The following NRG3 variants were observed in gnomAD, a reference collection of about 807,000 sequenced individuals.
The protein encoded by NRG3 is neuregulin 3.
A neutral mutation model predicts 66.9 loss-of-function variants in NRG3; 31 were observed. That is an observed-to-expected ratio of 0.46 (90% CI 0.35 to 0.63). The LOEUF is 0.63. Ranked by LOEUF, NRG3 falls within the 20% of genes least tolerant of loss-of-function variation. The pLI, the probability that NRG3 is intolerant of heterozygous loss-of-function variation, is 0.00. For synonymous variants in NRG3, 393 were observed against 359.4 expected, an observed-to-expected ratio of 1.09 and a Z score of -1.06; for missense variants, 910 against 878.9, an observed-to-expected ratio of 1.04 and a Z score of -0.45.
chr10:82,692,223 G>A (rs1304613269), intron 2 of NRG3, among the ~76,000 whole-genome samples: 2 of 148,124 alleles, frequency 1.4e-5, no homozygotes, highest in East Asian at 2.0e-4. Context: ...ACTCACTCCA[G>A]CCTGGGTGAC....
intron 2 of NRG3, among the ~76,000 whole-genome samples, chr10:82,390,202 T>A (rs1184392729): frequency 6.6e-6 from 1 of 152,184 alleles, no homozygotes; most frequent in Non-Finnish European, 1.5e-5. Context: ...CTCTCAGTGA[T>A]CCATTTTCAA....
chr10:82,055,747 G>A (rs1236303757), intron 1 of NRG3, among the ~76,000 whole-genome samples: 1 of 152,138 alleles, frequency 6.6e-6, no homozygotes, highest in Non-Finnish European at 1.5e-5. Flanking sequence ...AATTTACAAT[G>A]CAAGAAAGAG....
In NRG3 at chr10:82,308,319, C is replaced by T. The variant is rs569110113; in HGVS notation, c.824-50420C>T. Among the ~76,000 whole-genome samples the T allele has an allele frequency of 2.0e-5, 3 of 152,236 alleles. No individual in the cohort carries two copies. In the East Asian group the frequency reaches 5.8e-4, roughly 30 times the overall value. ...GGCCAGGCTGATCTCAAACTCTTCA[C>T]CTCAAGTGCTCTGCCTGCCTTGACC... is the stretch of plus-strand genomic sequence containing the variant. On this transcript the variant is annotated intron_variant, in intron 1 of 8. Transcript: ENST00000372141.
At chr10:82,262,205 G>T (rs1183733566) in intron 1 of NRG3, among the ~76,000 whole-genome samples, 2 of 152,202 alleles carry the variant, frequency 1.3e-5, no homozygotes, top group African/African-American at 4.8e-5. Context: ...AAGTAAAGGT[G>T]AGATTTGAGT....
intron 1 of NRG3, among the ~76,000 whole-genome samples, chr10:82,276,675 A>T (rs1047508731): frequency 2.6e-5 from 4 of 152,084 alleles, no homozygotes; most frequent in African/African-American, 9.6e-5. Context: ...AACAATATAT[A>T]ACTTGTAGAA....
At chr10:82,696,246 A>G (rs1017946022) in intron 2 of NRG3, among the ~76,000 whole-genome samples, 9 of 152,164 alleles carry the variant, frequency 5.9e-5, no homozygotes, top group African/African-American at 2.2e-4. Flanking sequence ...TTAACTGCTT[A>G]ACTCAAAATA....
intron 1 of NRG3, among the ~76,000 whole-genome samples, chr10:82,106,870 AGGTAT>A (rs1362017316): frequency 1.3e-5 from 2 of 152,140 alleles, no homozygotes; most frequent in Non-Finnish European, 2.9e-5. Flanking sequence ...CTCTGCTATA[AGGTAT>A]CTTGCAAAAA....
chr10:82,041,176 C>T (rs926952), intron 1 of NRG3, among the ~76,000 whole-genome samples: 96,646 of 151,884 alleles, frequency 0.64, 32,329 homozygotes, highest in South Asian at 0.87. Flanking sequence ...CTGTTAGAAT[C>T]TGGGAATTGA....
At chr10:82,034,481 A>G (rs1467072627) in intron 1 of NRG3, among the ~76,000 whole-genome samples, 3 of 152,142 alleles carry the variant, frequency 2.0e-5, no homozygotes, top group Non-Finnish European at 2.9e-5. Context: ...GTCAATTTCT[A>G]TATGCATGAC....
At chr10:82,435,028 C>A (rs929924405) in intron 2 of NRG3, among the ~76,000 whole-genome samples, 2 of 152,010 alleles carry the variant, frequency 1.3e-5, no homozygotes, top group Non-Finnish European at 2.9e-5. Flanking sequence ...GGTACCAGCT[C>A]CTCTTTGTAT....
intron 2 of NRG3, among the ~76,000 whole-genome samples, chr10:82,432,407 T>A (rs112164808): frequency 1.4e-3 from 219 of 152,058 alleles, no homozygotes; most frequent in African/African-American, 4.9e-3. Context: ...CCATCCATGT[T>A]GCTGCAAATG....
At chr10:82,247,482 C>T (rs971493618) in intron 1 of NRG3, among the ~76,000 whole-genome samples, 1 of 152,004 alleles carries the variant, frequency 6.6e-6, no homozygotes, top group Admixed American at 6.6e-5. Context: ...TAATTACCTC[C>T]CAGAAGCCCC....
chr10:82,596,051 G>T (rs2047256290), intron 2 of NRG3, among the ~76,000 whole-genome samples: 1 of 152,132 alleles, frequency 6.6e-6, no homozygotes, highest in Non-Finnish European at 1.5e-5. Context: ...GAATTAATGA[G>T]TGGTATTCAA....
Position 82,545,945 on chromosome 10 carries a change from G to T in NRG3, c.953+187077G>T, listed in dbSNP as rs139451699. 6.6e-3 allele frequency among the ~76,000 whole-genome samples: 1,001 copies of T among 150,898 alleles called. 10 individuals are homozygous for T. Among genetic ancestry groups the T allele is most frequent in the African/African-American group, 0.024 (970 of 41,098 alleles). On this transcript the variant is annotated intron_variant, in intron 2 of 8. Coordinates refer to ENST00000372141, the MANE Select transcript of NRG3 (RefSeq NM_001010848.4). The stretch of plus-strand genomic sequence containing the variant: ...TGGGACGACAGGCGCCGGCCACCAT[G>T]CCCGGCTAATTTCAGTAGAGACCGG...
chr10:82,633,848 T>A (rs1319391193), intron 2 of NRG3, among the ~76,000 whole-genome samples: 1 of 152,172 alleles, frequency 6.6e-6, no homozygotes, highest in Non-Finnish European at 1.5e-5. Flanking sequence ...TGACCATCAA[T>A]TTTTTTGTCC....
chr10:82,738,257 T>A (rs1172489232), intron 2 of NRG3, among the ~76,000 whole-genome samples: 3 of 152,106 alleles, frequency 2.0e-5, no homozygotes, highest in Non-Finnish European at 4.4e-5. Flanking sequence ...TAAAGAAAAA[T>A]ACACCTGCAT....
At chr10:82,904,554 G>T (rs1184812532) in intron 4 of NRG3, among the ~76,000 whole-genome samples, 2 of 152,108 alleles carry the variant, frequency 1.3e-5, no homozygotes, top group Admixed American at 1.3e-4. Flanking sequence ...GCACATCTTT[G>T]TTGAAACAGT....
chr10:82,863,442 T>G (rs1220029134), intron 3 of NRG3, among the ~76,000 whole-genome samples: 1 of 152,210 alleles, frequency 6.6e-6, no homozygotes, highest in Non-Finnish European at 1.5e-5. Flanking sequence ...CCACACTGCC[T>G]TCTACAATGG....
intron 1 of NRG3, among the ~76,000 whole-genome samples, chr10:82,279,246 T>A (rs1000080797): frequency 6.6e-5 from 10 of 152,164 alleles, no homozygotes; most frequent in African/African-American, 2.4e-4. Flanking sequence ...GAGGGAAGTA[T>A]CCCCTGGCCT....
Sources: allele counts gnomAD v4.1 joint callset (sites outside exome capture counted in the v4.1 genomes callset), GRCh38; gene constraint gnomAD v4.1.1; transcripts MANE v1.5; gene names NCBI Gene and HGNC (gene_info 2026-07-23, HGNC 2026-07-21).